Variants in PHLPP2 observed in about 807,000 individuals in gnomAD.
PHLPP2 encodes the protein PH domain and leucine rich repeat protein phosphatase 2, also known as PH domain leucine-rich repeat-containing protein phosphatase 2.
A neutral mutation model predicts 124.9 loss-of-function variants in PHLPP2; 66 were observed. The observed-to-expected ratio is 0.53, with a 90% CI of 0.43 to 0.65. The LOEUF is 0.65. Among genes scored for constraint, PHLPP2 ranks in the 30% least tolerant of loss-of-function variants. PHLPP2 has a pLI of 0.00. For missense variants in PHLPP2, 1,685 were observed against 1,600.4 expected (o/e 1.05, Z -0.90); for synonymous variants, 681 against 624.7 (o/e 1.09, Z -1.34).
chr16:71,719,212 C>G (rs1206078609), intron 1 of PHLPP2, among the ~76,000 whole-genome samples: 6 of 152,206 alleles, frequency 3.9e-5, no homozygotes, highest in Non-Finnish European at 7.3e-5. Context: ...TTACATCAAA[C>G]AAGTATACAA....
intron 3 of PHLPP2, among the ~76,000 whole-genome samples, chr16:71,699,922 A>T (rs2045212368): frequency 6.6e-6 from 1 of 152,182 alleles, no homozygotes; most frequent in African/African-American, 2.4e-5. Flanking sequence ...CAAAGGGTGG[A>T]GCACAACAGA....
intron 1 of PHLPP2, among the ~76,000 whole-genome samples, chr16:71,716,442 T>C (rs2045363524): frequency 6.6e-6 from 1 of 152,260 alleles, no homozygotes; most frequent in Admixed American, 6.5e-5. Flanking sequence ...GTGAAATTCA[T>C]ATATTGCCAA....
chr16:71,667,192 G>T lies in PHLPP2; in HGVS notation c.1770C>A (p.Phe590Leu). The stretch of plus-strand genomic sequence containing the variant: ...ATGATACTTACTTTAAGGCCTTGGA[G>T]AAGAGGGTGTCTGGCAGCCTCGTGA... ...NALTRLPDTL[F>L]SKALNLRYLN... The change falls in exon 12 of 19, where the codon TTC becomes TTA. Residue 590 changes from phenylalanine to leucine, a missense_variant. Phe to Leu is a conservative substitution (Grantham distance 22). Transcript: ENST00000568954. 1 of 1,613,258 alleles carries T rather than the reference G, an allele frequency of 6.2e-7. No homozygotes were observed. The highest frequency in any genetic ancestry group is 1.1e-5 in the South Asian group (1 of 90,838).
chr16:71,693,332 T>A lies in PHLPP2; in HGVS notation c.419-2623A>T, dbSNP rs1209645337. On this transcript the variant is annotated intron_variant, in intron 3 of 18. Transcript: ENST00000568954. ...ACATGCCTAAACCAAGTCATCACCA[T>A]CCCTGTACAGCAGCAGCTCCTTCTC... Among the ~76,000 whole-genome samples the A allele has an allele frequency of 2.0e-5, 3 of 152,030 alleles. No individual in the cohort carries two copies. In the East Asian group the frequency reaches 5.8e-4, roughly 29 times the overall value.
rs1029701036 is a variant in PHLPP2 at position 71,645,740 on chromosome 16, A to T, written c.*3150T>A. On this transcript the variant is annotated 3_prime_UTR_variant, in exon 19 of 19. Transcript: ENST00000568954. ...GGCTCTTCCGTACACCAGTAAATGAACTCACCAATGTATTGCACACATACA... is the reference window on the plus strand; with the variant it reads ...GGCTCTTCCGTACACCAGTAAATGATCTCACCAATGTATTGCACACATACA... 1 of 153,274 alleles carries T rather than the reference A, an allele frequency of 6.5e-6. No homozygotes were observed. Among genetic ancestry groups the T allele is most frequent in the African/African-American group, 2.4e-5 (1 of 41,438 alleles). The allele number at this position is 153,274 out of a possible 1,614,324, so 9.5% of individuals were successfully genotyped here. A position where few individuals can be genotyped will look rare whatever the true frequency, so the allele number is the denominator to read the frequency against.
chr16:71,711,579 G>C (rs2045324553), intron 2 of PHLPP2, among the ~76,000 whole-genome samples: 1 of 152,164 alleles, frequency 6.6e-6, no homozygotes, highest in Admixed American at 6.5e-5. Context: ...TTAACCCTGT[G>C]AAACTTTAAT....
At chr16:71,686,051 A>G (rs758379681) in intron 4 of PHLPP2, among the ~76,000 whole-genome samples, 1 of 152,204 alleles carries the variant, frequency 6.6e-6, no homozygotes, top group Non-Finnish European at 1.5e-5. Context: ...GGCTGCAGTG[A>G]GCTGAGATCG....
At chr16:71,659,722 TA>T (rs2145313480) in intron 13 of PHLPP2, among the ~76,000 whole-genome samples, 1 of 152,278 alleles carries the variant, frequency 6.6e-6, no homozygotes, top group South Asian at 2.1e-4. Context: ...GTAAGCAAAA[TA>T]ACTTAAGTGA....
At chr16:71,657,763 G>A (rs2044754585) in intron 15 of PHLPP2, among the ~76,000 whole-genome samples, 1 of 152,194 alleles carries the variant, frequency 6.6e-6, no homozygotes, top group African/African-American at 2.4e-5. Context: ...ACTGATGAAA[G>A]TAGTATGCTG....
At position 71,647,932 on chromosome 16, in the gene PHLPP2, T is replaced by C. The variant is rs973425965; in HGVS notation, c.*958A>G. 14 of 152,630 alleles carry C rather than the reference T, an allele frequency of 9.2e-5. No individual in the cohort carries two copies. Among genetic ancestry groups the C allele is most frequent in the African/African-American group, 2.9e-4 (12 of 41,442 alleles). 9.5% of individuals were successfully genotyped at this position (152,630 alleles called of 1,614,324 possible). ...CAACACCCAGTTCTCTCTCTGCCTA[T>C]GGATGAAGGTGCCGGGCTGCCTCTA... On this transcript the variant is annotated 3_prime_UTR_variant, in exon 19 of 19. Transcript: ENST00000568954.
intron 2 of PHLPP2, among the ~76,000 whole-genome samples, chr16:71,707,466 C>T (rs2045285580): frequency 6.6e-6 from 1 of 152,066 alleles, no homozygotes; most frequent in African/African-American, 2.4e-5. Context: ...GACCAACCAC[C>T]ATGTGATTAG....
chr16:71,649,836 G>A lies in PHLPP2; in HGVS notation c.3026C>T (p.Ala1009Val). Reference protein sequence around the residue: ...AVRHVQDPLAAAKKLCTLAQS... With the variant: ...AVRHVQDPLAVAKKLCTLAQS... ...CGCTAATGTGCACAGCTTCTTAGCA[G>A]CTGCTAATGGGTCTTGTACGTGACG... The change falls in exon 19 of 19, where the codon GCT becomes GTT. Residue 1009 changes from alanine (A) to valine (V), a missense_variant. Coordinates refer to ENST00000568954, the MANE Select transcript of PHLPP2 (RefSeq NM_015020.3). 1 of 1,614,176 alleles carries A rather than the reference G, an allele frequency of 6.2e-7. No homozygotes were observed. Among genetic ancestry groups the A allele is most frequent in the Non-Finnish European group, 8.5e-7 (1 of 1,179,966 alleles).
At chr16:71,676,952 T>C (rs1261126962) in intron 8 of PHLPP2, 1 of 333,028 alleles carries the variant, frequency 3.0e-6, no homozygotes, top group Non-Finnish European at 5.7e-6. Flanking sequence ...TTTCACCATG[T>C]TGGCCAGGCT....
chr16:71,694,170 G>C (rs993167008), intron 3 of PHLPP2, among the ~76,000 whole-genome samples: 1 of 151,602 alleles, frequency 6.6e-6, no homozygotes, highest in East Asian at 1.9e-4. Context: ...CTCCAACCTG[G>C]GTGACAGAGC....
rs770977308 is a variant in PHLPP2, at chr16:71,655,314, A to C, written c.2511T>G (p.Asp837Glu). ...ACTGCTGTACCTCTTCTAAAAGCAC[A>C]TCTGCCATCGTACACTGCAGCAGGC... is the stretch of plus-strand genomic sequence containing the variant. The part of the protein sequence containing the change: ...LPRLLQCTMA[D>E]VLLEEVQQST... The change falls in exon 17 of 19, where the codon GAT (aspartate) becomes GAG (glutamate). Residue 837 changes from aspartate (D) to glutamate (E), a missense_variant. Coordinates refer to ENST00000568954, the MANE Select transcript of PHLPP2 (RefSeq NM_015020.3). 4 of 1,613,918 alleles carry C rather than the reference A, an allele frequency of 2.5e-6. No individual in the cohort carries two copies. The African/African-American group carries it at 5.3e-5, about 22-fold the overall frequency.
chr16:71,704,179 C>T (rs373674945), intron 2 of PHLPP2, among the ~76,000 whole-genome samples: 58 of 151,886 alleles, frequency 3.8e-4, no homozygotes, highest in African/African-American at 1.3e-3. Flanking sequence ...GGCATGGTGG[C>T]GGGCACCTGC....
intron 4 of PHLPP2, among the ~76,000 whole-genome samples, chr16:71,687,246 T>C (rs1304656688): frequency 6.6e-6 from 1 of 152,172 alleles, no homozygotes; most frequent in Non-Finnish European, 1.5e-5. Flanking sequence ...TTTGGCCCAG[T>C]TTTTTAATGG....
At chr16:71,683,667 TATA>T (rs538600089) in intron 5 of PHLPP2, among the ~76,000 whole-genome samples, 54 of 152,348 alleles carry the variant, frequency 3.5e-4, no homozygotes, top group African/African-American at 1.3e-3. Context: ...ACTATGCACA[TATA>T]AATAAGTTAA....
chr16:71,682,246 C>G (rs1362996709), intron 5 of PHLPP2, among the ~76,000 whole-genome samples: 1 of 137,428 alleles, frequency 7.3e-6, no homozygotes, highest in Non-Finnish European at 1.5e-5. Flanking sequence ...GGGACAGAGT[C>G]TTGCTCTGTC....
Sources: allele counts gnomAD v4.1 joint callset (sites outside exome capture counted in the v4.1 genomes callset), GRCh38; gene constraint gnomAD v4.1.1; transcripts MANE v1.5; gene names NCBI Gene and HGNC (gene_info 2026-07-23, HGNC 2026-07-21).